DMD: variants seen among roughly 807,000 people sequenced by gnomAD.
The protein encoded by DMD is mutant dystrophin.
Under a neutral mutation model 330.1 loss-of-function variants are expected in DMD, and 63 were observed. The ratio of observed to expected loss-of-function variants is 0.19; its 90% CI spans 0.16 to 0.24. DMD has a LOEUF of 0.24. Ranked by LOEUF, DMD falls within the 10% of genes least tolerant of loss-of-function variation. The pLI is 1.00. For missense variants in DMD, 3,344 were observed against 2,684.1 expected, an observed-to-expected ratio of 1.25 and a Z score of -5.43; for synonymous variants, 1,223 against 959.8, an observed-to-expected ratio of 1.27 and a Z score of -5.07.
intron 18 of DMD, 69 bp from the exon 19 acceptor site, chrX:32,501,911 C>T: frequency 1.2e-6 from 1 of 831,027 alleles, no homozygotes; most frequent in East Asian, 3.4e-5. Context: ...ATTATAACTT[C>T]TACTTGCCCT....
At position 33,305,130 on chromosome X, in the gene DMD, C is replaced by T. The variant is rs1402605318; in HGVS notation, c.7+34129G>A. ...GACACATGCACACGTATGTTCATTG[C>T]GGCACTATTCACAATAGCAAAGACT... On this transcript the variant is annotated intron_variant, in intron 1 of 17. Coordinates refer to the DMD transcript ENST00000288447. 7.4e-5 allele frequency among the ~76,000 whole-genome samples: 8 copies of T among 108,611 alleles called. 1 individual carries two copies. The highest frequency in any genetic ancestry group is 1.1e-4 in the Non-Finnish European group (6 of 52,210). The allele number at this position is 108,611 out of a possible 115,157, so 94.3% of individuals were successfully genotyped here.
intron 44 of DMD, among the ~76,000 whole-genome samples, chrX:32,127,996 C>T (rs2096670135): frequency 8.9e-6 from 1 of 112,144 alleles, no homozygotes; most frequent in Non-Finnish European, 1.9e-5. Context: ...AAACAAAGAC[C>T]ATCCATTTTC....
At chrX:31,554,547 G>A (rs891283311) in intron 55 of DMD, among the ~76,000 whole-genome samples, 4 of 111,469 alleles carry the variant, frequency 3.6e-5, no homozygotes, top group African/African-American at 1.3e-4. Flanking sequence ...AAAAGAAGCA[G>A]GCCAGGCAGT....
At chrX:31,820,564 T>C (rs2092731278) in intron 49 of DMD, among the ~76,000 whole-genome samples, 1 of 112,149 alleles carries the variant, frequency 8.9e-6, no homozygotes, top group African/African-American at 3.2e-5. Flanking sequence ...ACTCTTGTTC[T>C]AGATGATGGA....
chrX:31,156,620 C>T (rs1198588084), intron 74 of DMD, among the ~76,000 whole-genome samples: 1 of 111,762 alleles, frequency 8.9e-6, no homozygotes, highest in East Asian at 2.8e-4. Context: ...CCAGTATGGT[C>T]GACATTCTAT....
At chrX:33,281,903 C>A (rs769858338) in intron 1 of DMD, among the ~76,000 whole-genome samples, 6 of 108,184 alleles carry the variant, frequency 5.5e-5, no homozygotes, top group Non-Finnish European at 1.1e-4. Flanking sequence ...GACTAGGGTG[C>A]TGGTGCTGCT....
intron 51 of DMD, among the ~76,000 whole-genome samples, chrX:31,768,728 C>T (rs113716307): frequency 6.3e-5 from 7 of 111,836 alleles, no homozygotes; most frequent in African/African-American, 6.5e-5. Context: ...CAGATTTCTC[C>T]GACACTAAGC....
chrX:32,723,882 A>G (rs949193725), intron 7 of DMD, among the ~76,000 whole-genome samples: 3 of 110,673 alleles, frequency 2.7e-5, no homozygotes, highest in Non-Finnish European at 3.8e-5. Context: ...AACTAAAAAA[A>G]AAAACCTGCA....
chrX:31,739,852 A>C (rs35850991), intron 51 of DMD, among the ~76,000 whole-genome samples: 23,909 of 107,456 alleles, frequency 0.22, 2,129 homozygotes, highest in East Asian at 0.46. Flanking sequence ...CAAAAAAAAA[A>C]AAAAAACCTC....
At chrX:32,708,771 C>A (rs1428936761) in intron 7 of DMD, among the ~76,000 whole-genome samples, 1 of 111,493 alleles carries the variant, frequency 9.0e-6, no homozygotes. Flanking sequence ...ATGTGACTCT[C>A]TCAGCACAAA....
At chrX:32,844,033 CATT>C (rs781643995) in intron 4 of DMD, among the ~76,000 whole-genome samples, 3 of 112,283 alleles carry the variant, frequency 2.7e-5, no homozygotes, top group Non-Finnish European at 3.8e-5. Flanking sequence ...AAACAAACAT[CATT>C]ATCAGGTTTG....
rs1159166076 is a variant in DMD at position 32,734,954 on chromosome X, A to G, written c.650-35661T>C. 1.8e-4 allele frequency among the ~76,000 whole-genome samples: 20 copies of G among 109,241 alleles called. No individual in the cohort carries two copies. In the Admixed American group the frequency reaches 1.9e-3, roughly 10 times the overall value. The allele number at this position is 109,241 out of a possible 115,157, so 94.9% of individuals were successfully genotyped here. On this transcript the variant is annotated intron_variant, in intron 7 of 78. Coordinates refer to ENST00000357033, the MANE Select transcript of DMD (RefSeq NM_004006.3). ...AGAAGGAAATAAAGGGTATTCAATTAGGAAAAGAGAAAGTCAAATTGACCC... is the reference window on the plus strand; with the variant it reads ...AGAAGGAAATAAAGGGTATTCAATTGGGAAAAGAGAAAGTCAAATTGACCC...
intron 20 of DMD, among the ~76,000 whole-genome samples, chrX:32,490,581 G>A (rs931927989): frequency 9.0e-6 from 1 of 111,120 alleles, no homozygotes; most frequent in Non-Finnish European, 1.9e-5. Flanking sequence ...GTGAAGTGGG[G>A]TGTTTATTTG....
At chrX:33,320,307 G>A (rs1480366622) in intron 1 of DMD, among the ~76,000 whole-genome samples, 1 of 111,620 alleles carries the variant, frequency 9.0e-6, no homozygotes, top group African/African-American at 3.3e-5. Flanking sequence ...AGGGACAGAA[G>A]TAAGCGGGTT....
intron 4 of DMD, among the ~76,000 whole-genome samples, chrX:32,834,894 A>G (rs1325361780): frequency 9.0e-6 from 1 of 111,438 alleles, no homozygotes; most frequent in Non-Finnish European, 1.9e-5. Context: ...CATAAAATGT[A>G]AGCAAGGAAA....
chrX:32,295,495 A>G (rs766460346), intron 42 of DMD, among the ~76,000 whole-genome samples: 40 of 112,722 alleles, frequency 3.5e-4, no homozygotes, highest in African/African-American at 1.2e-3. Context: ...CAGACATAAT[A>G]TCAGCCTCAA....
At position 32,217,081 on chromosome X, in the gene DMD, T is replaced by C; in HGVS notation, c.6291-18A>G. 1 of 1,203,369 alleles carries C rather than the reference T, an allele frequency of 8.3e-7. No homozygotes were observed. Among genetic ancestry groups the C allele is most frequent in the East Asian group, 3.0e-5 (1 of 33,674 alleles). On this transcript the variant is annotated intron_variant, in intron 43 of 78. Transcript: ENST00000357033. ...CAAATCGCCTGCAGGTAAAAGCATATGGATCAAGAAAAATAGATGGATTAT... is the reference window on the plus strand; with the variant it reads ...CAAATCGCCTGCAGGTAAAAGCATACGGATCAAGAAAAATAGATGGATTAT...
chrX:32,630,491 T>C (rs1290201634), intron 11 of DMD, among the ~76,000 whole-genome samples: 3 of 110,978 alleles, frequency 2.7e-5, no homozygotes, highest in East Asian at 5.6e-4. Flanking sequence ...TGGGGGAAGT[T>C]CTGTGTTATT....
At position 32,309,970 on chromosome X, in the gene DMD, G is replaced by T. The variant is rs1355213233; in HGVS notation, c.6117+112C>A. 7.3e-6 allele frequency: 5 copies of T among 681,741 alleles called. No homozygotes were observed. In the East Asian group the frequency reaches 1.4e-4, roughly 19 times the overall value. The allele number at this position is 681,741 out of a possible 1,213,427, so 56.2% of individuals were successfully genotyped here. A position where few individuals can be genotyped will look rare whatever the true frequency, so the allele number is the denominator to read the frequency against. On this transcript the variant is annotated intron_variant, in intron 42 of 78. Coordinates refer to ENST00000357033, the MANE Select transcript of DMD (RefSeq NM_004006.3). ...TATCAAGTATTTTTAAGAATTCCAT[G>T]TGAAAGTCAAAATGCCATCATGATG...
Sources: gnomAD v4.1 joint callset for allele counts (sites outside exome capture counted in the v4.1 genomes callset) on GRCh38, gnomAD v4.1.1 for gene constraint, MANE v1.5 for transcripts, NCBI Gene and HGNC (gene_info 2026-07-23, HGNC 2026-07-21) for gene names.